Variants in CPN1 observed in about 807,000 individuals in gnomAD.
CPN1 encodes the protein carboxypeptidase N catalytic chain.
In CPN1, 37 loss-of-function variants were observed where a neutral mutation model predicts 46.4. The ratio of observed to expected loss-of-function variants is 0.80; its 90% confidence interval spans 0.61 to 1.05. CPN1 has a LOEUF of 1.05. Ranked by LOEUF, CPN1 falls within the 50% of genes least tolerant of loss-of-function variation. CPN1 has a pLI of 0.00. For missense variants in CPN1, 563 were observed against 602.6 expected (o/e 0.93, Z 0.69); for synonymous variants, 224 against 235.4 (o/e 0.95, Z 0.44).
chr10:100,055,509 T>G (rs1468252316), intron 6 of CPN1, among the ~76,000 whole-genome samples: 1 of 152,134 alleles, frequency 6.6e-6, no homozygotes, highest in Non-Finnish European at 1.5e-5. Flanking sequence ...TCATCCATGT[T>G]GTAGCATGTG....
intron 7 of CPN1, 113 bp downstream of exon 7, chr10:100,054,234 G>A (rs2041372314): frequency 2.4e-6 from 2 of 817,046 alleles, no homozygotes; most frequent in African/African-American, 1.7e-5. Flanking sequence ...CCCACTCCCA[G>A]CATCCTTGAC....
intron 5 of CPN1, among the ~76,000 whole-genome samples, chr10:100,057,852 T>C (rs1212956301): frequency 1.3e-5 from 2 of 152,114 alleles, no homozygotes; most frequent in East Asian, 1.9e-4. Flanking sequence ...GAGATAATGA[T>C]TCTCTTAGTC....
chr10:100,051,926 CAG>C (rs1268873467), intron 7 of CPN1, among the ~76,000 whole-genome samples: 1 of 150,676 alleles, frequency 6.6e-6, no homozygotes, highest in Non-Finnish European at 1.5e-5. Context: ...TGTTTTGAAA[CAG>C]AGTCTCACTC....
chr10:100,069,718 CT>C lies in CPN1; in HGVS notation c.571del (p.Ser191ValfsTer10). On this transcript the variant is annotated frameshift_variant, in exon 3 of 9. Coordinates refer to ENST00000370418, the MANE Select transcript of CPN1 (RefSeq NM_001308.3). LOFTEE classifies it high-confidence loss of function. ...TTTGCAAATTTCATCTCCTACCTGA[CT>C]TTTCCAGTTGTCTGGAAGGGGCAGG... is the stretch of plus-strand genomic sequence containing the variant. ...HHLPLPDNWK[S>X]QVEPETRAVI... 1 of 1,613,934 alleles carries C rather than the reference CT, an allele frequency of 6.2e-7. No homozygotes were observed. The highest frequency in any genetic ancestry group is 1.1e-5 in the South Asian group (1 of 91,062).
At chr10:100,055,399 C>T (rs2041379916) in intron 6 of CPN1, among the ~76,000 whole-genome samples, 1 of 151,024 alleles carries the variant, frequency 6.6e-6, no homozygotes, top group South Asian at 2.1e-4. Flanking sequence ...CTTTTCATCT[C>T]TATAATTTTG....
intron 5 of CPN1, 64 bp downstream of exon 5, chr10:100,063,550 A>G: frequency 8.1e-7 from 1 of 1,236,074 alleles, no homozygotes; most frequent in East Asian, 2.3e-5. Flanking sequence ...GAAAACTGGG[A>G]ATTTAGAAGG....
intron 3 of CPN1, among the ~76,000 whole-genome samples, chr10:100,069,105 G>C (rs181277640): frequency 8.2e-4 from 125 of 152,314 alleles, no homozygotes; most frequent in Non-Finnish European, 1.5e-3. Context: ...AACTGAAACT[G>C]GCTGTGAAAT....
intron 7 of CPN1, among the ~76,000 whole-genome samples, chr10:100,051,731 G>A (rs1014066527): frequency 1.3e-5 from 2 of 151,968 alleles, no homozygotes; most frequent in South Asian, 4.2e-4. Flanking sequence ...GTTTTACCAC[G>A]TAGGCCAGGC....
At chr10:100,070,424 A>G (rs892125267) in intron 2 of CPN1, among the ~76,000 whole-genome samples, 15 of 152,084 alleles carry the variant, frequency 9.9e-5, no homozygotes, top group Non-Finnish European at 1.8e-4. Flanking sequence ...TGAGGTTGCA[A>G]TGGGCCAAGA....
intron 3 of CPN1, 89 bp downstream of exon 3, chr10:100,069,625 T>C: frequency 6.8e-7 from 1 of 1,463,106 alleles, no homozygotes; most frequent in South Asian, 1.1e-5. Flanking sequence ...TCTTGCTTGT[T>C]TAGTTGATGT....
Position 100,063,805 on chromosome 10 carries a change from G to A in CPN1, c.760-80C>T. 6 of 1,024,546 alleles carry A rather than the reference G, an allele frequency of 5.9e-6. No individual in the cohort carries two copies. In the South Asian group the frequency reaches 7.6e-5, roughly 13 times the overall value. 63.5% of individuals were successfully genotyped at this position (1,024,546 alleles called of 1,614,324 possible). On this transcript the variant is annotated intron_variant, in intron 4 of 8. Coordinates refer to ENST00000370418, the MANE Select transcript of CPN1 (RefSeq NM_001308.3). ...TGCTCCTACTCACAACTAGGTTGAA[G>A]CCAAGAAGCCCTGCTGGGTATATAA...
intron 6 of CPN1, 50 bp from the exon 7 acceptor site, chr10:100,054,496 T>C (rs772945363): frequency 2.0e-6 from 3 of 1,467,260 alleles, no homozygotes; most frequent in East Asian, 4.5e-5. Flanking sequence ...GTACCATTTG[T>C]ACAGTGTTTT....
chr10:100,068,947 T>C (rs774051483), intron 3 of CPN1, among the ~76,000 whole-genome samples: 6 of 152,200 alleles, frequency 3.9e-5, no homozygotes, highest in Non-Finnish European at 8.8e-5. Context: ...AGAAAGAATG[T>C]TGGAATAAGA....
intron 7 of CPN1, among the ~76,000 whole-genome samples, chr10:100,050,503 C>T (rs1474490310): frequency 6.6e-6 from 1 of 152,148 alleles, no homozygotes; most frequent in Non-Finnish European, 1.5e-5. Context: ...CAGTGCAAAA[C>T]CTGTACCACT....
Position 100,076,051 on chromosome 10 carries a change from C to A in CPN1, c.280G>T (p.Glu94Ter). The change falls in exon 2 of 9, where the codon GAG becomes TAG. Residue 94 changes from glutamate to a stop codon, truncating the protein, a stop_gained. Coordinates refer to ENST00000370418, the MANE Select transcript of CPN1 (RefSeq NM_001308.3). LOFTEE classifies it high-confidence loss of function. ...AACTCCGACAGCTGCAGCATCAGCT[C>A]GCGGCCCAACGCTTCGTTGCCGTGC... is the stretch of plus-strand genomic sequence containing the variant. ...NMHGNEALGR[E>*]LMLQLSEFLC... is the part of the protein sequence containing the mutation. The A allele has an allele frequency of 6.2e-7, 1 of 1,614,178 alleles. No homozygotes were observed. The highest frequency in any genetic ancestry group is 1.1e-5 in the South Asian group (1 of 91,090).
chr10:100,069,883 A>G lies in CPN1; in HGVS notation c.421-14T>C. ...CTTGTTTGGGCCCTAAAGGAAAATG[A>G]AAAGATGAAAAATGAAGGTTTCAGA... On this transcript the variant is annotated splice_polypyrimidine_tract_variant and intron_variant, in intron 2 of 8. Coordinates refer to ENST00000370418, the MANE Select transcript of CPN1 (RefSeq NM_001308.3). 1.2e-6 allele frequency: 2 copies of G among 1,613,140 alleles called. No individual in the cohort carries two copies. Among genetic ancestry groups the G allele is most frequent in the African/African-American group, 1.3e-5 (1 of 74,720 alleles).
intron 7 of CPN1, among the ~76,000 whole-genome samples, chr10:100,052,269 C>T (rs949684692): frequency 1.3e-5 from 2 of 152,126 alleles, no homozygotes; most frequent in Non-Finnish European, 2.9e-5. Context: ...TGGGGTTTCA[C>T]CATGTTGCCT....
At chr10:100,051,343 G>A (rs1371427909) in intron 7 of CPN1, among the ~76,000 whole-genome samples, 1 of 151,990 alleles carries the variant, frequency 6.6e-6, no homozygotes, top group East Asian at 1.9e-4. Flanking sequence ...CACCCCAGGG[G>A]TTGTCATTTT....
At chr10:100,043,457 A>C in intron 8 of CPN1, among the ~76,000 whole-genome samples, 1 of 152,034 alleles carries the variant, frequency 6.6e-6, no homozygotes, top group Non-Finnish European at 1.5e-5. Flanking sequence ...ATATGATTTC[A>C]CCAATACTGC....
Sources: allele counts gnomAD v4.1 joint callset (sites outside exome capture counted in the v4.1 genomes callset), GRCh38; gene constraint gnomAD v4.1.1; transcripts MANE v1.5; gene names NCBI Gene and HGNC (gene_info 2026-07-23, HGNC 2026-07-21).